TACR3: variants seen among roughly 807,000 people sequenced by gnomAD.
TACR3 encodes tachykinin receptor 3.
A neutral mutation model predicts 35.0 loss-of-function variants in TACR3; 34 were observed. The observed-to-expected ratio is 0.97, with a 90% CI of 0.74 to 1.30. TACR3 has a LOEUF of 1.30. Ranked by LOEUF, TACR3 falls within the 50% of genes most tolerant of loss-of-function variation. The pLI is 0.00. For missense variants in TACR3, 558 were observed against 591.7 expected (o/e 0.94, Z 0.59); for synonymous variants, 233 against 221.1 (o/e 1.05, Z -0.48).
At chr4:103,652,058 G>T (rs1271623480) in intron 3 of TACR3, among the ~76,000 whole-genome samples, 3 of 152,052 alleles carry the variant, frequency 2.0e-5, no homozygotes, top group African/African-American at 7.2e-5. Flanking sequence ...TGGGATTGTG[G>T]GGAGGTGGTA....
intron 1 of TACR3, among the ~76,000 whole-genome samples, chr4:103,702,341 C>G (rs1194771836): frequency 1.3e-5 from 2 of 152,122 alleles, no homozygotes; most frequent in Non-Finnish European, 2.9e-5. Context: ...CAAATCAAAA[C>G]CACAATGAGA....
intron 3 of TACR3, among the ~76,000 whole-genome samples, chr4:103,603,500 A>G (rs1724263583): frequency 6.6e-6 from 1 of 152,088 alleles, no homozygotes; most frequent in South Asian, 2.1e-4. Flanking sequence ...CGCTGGGCGA[A>G]CTTATCCTTT....
intron 1 of TACR3, among the ~76,000 whole-genome samples, chr4:103,667,518 C>A (rs893293060): frequency 4.6e-5 from 7 of 152,104 alleles, no homozygotes; most frequent in African/African-American, 1.7e-4. Context: ...AAAGTGCTAA[C>A]AGCTTGAGGT....
At chr4:103,695,711 C>CTCTG (rs142176586) in intron 1 of TACR3, among the ~76,000 whole-genome samples, 2,872 of 146,154 alleles carry the variant, frequency 0.02, 158 homozygotes, top group East Asian at 0.19. Context: ...GTCTCTCTCT[C>CTCTG]TGTGTGTGTG....
intron 1 of TACR3, among the ~76,000 whole-genome samples, chr4:103,662,624 G>A (rs772878173): frequency 1.3e-5 from 2 of 152,232 alleles, no homozygotes; most frequent in African/African-American, 4.8e-5. Flanking sequence ...TCTTTACATA[G>A]GTAATTGGGC....
At chr4:103,624,984 AAAGGTAGAGAGGGAGAAG>A (rs1724858897) in intron 3 of TACR3, among the ~76,000 whole-genome samples, 1 of 152,048 alleles carries the variant, frequency 6.6e-6, no homozygotes, top group South Asian at 2.1e-4. Context: ...CAAGACAGGG[AAAGGTAGAGAGGGAGAAG>A]AAAAGAGAGA....
intron 3 of TACR3, among the ~76,000 whole-genome samples, chr4:103,617,060 A>C (rs1164759145): frequency 6.6e-6 from 1 of 152,226 alleles, no homozygotes; most frequent in Non-Finnish European, 1.5e-5. Context: ...TTTCAGATGA[A>C]GATATGATCC....
chr4:103,710,507 T>G (rs1454548279), intron 1 of TACR3, among the ~76,000 whole-genome samples: 4 of 152,012 alleles, frequency 2.6e-5, no homozygotes, highest in Non-Finnish European at 5.9e-5. Context: ...TAGAGGGAAA[T>G]TTATACCACT....
chr4:103,699,967 G>A (rs1055563741), intron 1 of TACR3, among the ~76,000 whole-genome samples: 6 of 152,104 alleles, frequency 3.9e-5, no homozygotes, highest in African/African-American at 1.4e-4. Flanking sequence ...ATAATTTCAT[G>A]GAATTACGAG....
At chr4:103,620,316 A>C (rs1560809750) in intron 3 of TACR3, among the ~76,000 whole-genome samples, 1 of 152,204 alleles carries the variant, frequency 6.6e-6, no homozygotes, top group Non-Finnish European at 1.5e-5. Flanking sequence ...TAGGAACATA[A>C]ATTAGCATGA....
At chr4:103,651,220 T>C (rs1725612803) in intron 3 of TACR3, among the ~76,000 whole-genome samples, 1 of 150,832 alleles carries the variant, frequency 6.6e-6, no homozygotes, top group Admixed American at 6.7e-5. Flanking sequence ...AGGTGCTGTC[T>C]GGGAGTCAGG....
At position 103,590,434 on chromosome 4, in the gene TACR3, C is replaced by G. The variant is rs115576721; in HGVS notation, c.1086-440G>C. 1.4e-4 allele frequency among the ~76,000 whole-genome samples: 22 copies of G among 152,082 alleles called. No homozygotes were observed. The East Asian group carries it at 4.3e-3, about 29-fold the overall frequency. On this transcript the variant is annotated intron_variant, in intron 4 of 4. Transcript: ENST00000304883. ...TGATTACACATTTATAAATTAAAGT[C>G]TCGTTTAATGTTAGAATTGCTAATC...
Position 103,711,690 on chromosome 4 carries a change from G to T in TACR3, c.548+7438C>A, listed in dbSNP as rs570878021. On this transcript the variant is annotated intron_variant, in intron 1 of 4. Coordinates refer to ENST00000304883, the MANE Select transcript of TACR3 (RefSeq NM_001059.3). ...AATAAAGGGTATTCAATTAGGAAAA[G>T]AGGAAGTCAAATTGTCCCTGTTTGC... Among the ~76,000 whole-genome samples, 3 of 152,254 alleles carry T rather than the reference G, an allele frequency of 2.0e-5. No homozygotes were observed. In the South Asian group the frequency reaches 6.2e-4, roughly 32 times the overall value.
intron 3 of TACR3, among the ~76,000 whole-genome samples, chr4:103,623,957 T>C (rs1210395045): frequency 6.6e-6 from 1 of 152,162 alleles, no homozygotes; most frequent in Non-Finnish European, 1.5e-5. Context: ...TAAAACACAC[T>C]ACCTTGTTCA....
At chr4:103,667,800 T>A (rs1045671638) in intron 1 of TACR3, among the ~76,000 whole-genome samples, 9 of 152,308 alleles carry the variant, frequency 5.9e-5, no homozygotes, top group Admixed American at 3.9e-4. Context: ...TAATTCCCTA[T>A]GAAAACACTT....
intron 3 of TACR3, among the ~76,000 whole-genome samples, chr4:103,629,121 G>A (rs1397883090): frequency 1.3e-5 from 2 of 152,018 alleles, no homozygotes; most frequent in Non-Finnish European, 2.9e-5. Context: ...AATAAACTAG[G>A]TATTGATGGA....
rs537882495 is a variant in TACR3, at chr4:103,652,174, G to A, written c.888+4020C>T. 2.6e-5 allele frequency among the ~76,000 whole-genome samples: 4 copies of A among 152,140 alleles called. No individual in the cohort carries two copies. In the South Asian group the frequency reaches 8.3e-4, roughly 32 times the overall value. ...GCACTATGACTCACATAGGAGTTGC[G>A]GTCTTTGTGGCCTATACTGCATTTA... is the stretch of plus-strand genomic sequence containing the variant. On this transcript the variant is annotated intron_variant, in intron 3 of 4. Coordinates refer to ENST00000304883, the MANE Select transcript of TACR3 (RefSeq NM_001059.3).
Position 103,658,281 on chromosome 4 carries a change from G to C in TACR3, c.671C>G (p.Thr224Ser). 6.2e-7 allele frequency: 1 copy of C among 1,613,962 alleles called. No individual in the cohort carries two copies. ...GAGAGTACGGCCTGGCATGACTTTG[G>C]TTTTGGAATAAAGACACTGAGGGAA... ...LAFPQCLYSK[T>S]KVMPGRTLCF... The change falls in exon 2 of 5, where the codon ACC becomes AGC. Residue 224 changes from threonine (T) to serine (S), a missense_variant. Physicochemically the swap from Thr to Ser is moderately conservative, Grantham distance 58 (BLOSUM62 1). Coordinates refer to ENST00000304883, the MANE Select transcript of TACR3 (RefSeq NM_001059.3).
At chr4:103,685,148 G>A (rs1193340036) in intron 1 of TACR3, among the ~76,000 whole-genome samples, 1 of 152,080 alleles carries the variant, frequency 6.6e-6, no homozygotes, top group African/African-American at 2.4e-5. Flanking sequence ...AATCAATACA[G>A]TATGGATTTG....
Sources: allele counts gnomAD v4.1 joint callset (sites outside exome capture counted in the v4.1 genomes callset), GRCh38; gene constraint gnomAD v4.1.1; transcripts MANE v1.5; gene names NCBI Gene and HGNC (gene_info 2026-07-23, HGNC 2026-07-21).